Variants in CDCA5 observed in about 807,000 individuals in gnomAD.
The protein encoded by CDCA5 is sororin.
A neutral mutation model predicts 25.7 loss-of-function variants in CDCA5; 14 were observed. That is an observed-to-expected ratio of 0.54 (90% CI 0.36 to 0.85). The LOEUF is 0.85. Among genes scored for constraint, CDCA5 ranks in the 40% least tolerant of loss-of-function variants. The pLI is 0.01. For synonymous variants in CDCA5, 127 were observed against 128.7 expected, an observed-to-expected ratio of 0.99 and a Z score of 0.09; for missense variants, 307 against 324.5, an observed-to-expected ratio of 0.95 and a Z score of 0.41.
downstream of CDCA5, among the ~76,000 whole-genome samples, chr11:65,074,313 CCCA>C (rs549441920): frequency 3.3e-4 from 50 of 152,208 alleles, no homozygotes; most frequent in East Asian, 9.7e-3. Flanking sequence ...CCTCAAGTGA[CCCA>C]CCAACCTTGG....
At chr11:65,063,000 TAGATTGGAGGCAA>T (rs1349340108), downstream of CDCA5, among the ~76,000 whole-genome samples, 3 of 152,156 alleles carry the variant, frequency 2.0e-5, no homozygotes, top group Admixed American at 2.0e-4. Flanking sequence ...CAAGTATTTG[TAGATTGGAGGCAA>T]AGCTGACCTA....
downstream of CDCA5, among the ~76,000 whole-genome samples, chr11:65,065,507 C>T (rs1031395446): frequency 1.2e-4 from 19 of 152,186 alleles, no homozygotes; most frequent in Non-Finnish European, 2.5e-4. Flanking sequence ...ACACTGGTCT[C>T]AAACTCCTGA....
At chr11:65,077,039 A>T (rs969584212), downstream of CDCA5, among the ~76,000 whole-genome samples, 1 of 152,174 alleles carries the variant, frequency 6.6e-6, no homozygotes, top group Non-Finnish European at 1.5e-5. Flanking sequence ...TGTAATCCCA[A>T]CACTTTGGGA....
At chr11:65,067,828 G>T in intron 3 of CDCA5, 1 of 995,502 alleles carries the variant, frequency 1.0e-6, no homozygotes, top group Non-Finnish European at 1.4e-6. Flanking sequence ...GTGTGGGGGT[G>T]CCCAGCCAAA....
chr11:65,069,275 GT>G (rs1227638775), intron 1 of CDCA5, among the ~76,000 whole-genome samples: 1 of 142,156 alleles, frequency 7.0e-6, no homozygotes, highest in East Asian at 2.2e-4. Flanking sequence ...TAATAGAATT[GT>G]GGCTATTTTT....
At chr11:65,065,326 C>T (rs967382433), downstream of CDCA5, among the ~76,000 whole-genome samples, 17 of 152,190 alleles carry the variant, frequency 1.1e-4, no homozygotes, top group Admixed American at 3.9e-4. Flanking sequence ...CTTGCTCTGT[C>T]GTCCAGGCTG....
At chr11:65,074,873 C>T (rs1947410590), downstream of CDCA5, among the ~76,000 whole-genome samples, 1 of 151,730 alleles carries the variant, frequency 6.6e-6, no homozygotes, top group South Asian at 2.1e-4. Flanking sequence ...ACCAGTCTGA[C>T]CAACATGGAG....
chr11:65,065,819 C>A (rs471538), downstream of CDCA5, among the ~76,000 whole-genome samples: 32,109 of 151,810 alleles, frequency 0.21, 4,392 homozygotes, highest in Non-Finnish European at 0.3. Context: ...ATATGTATCT[C>A]CAGGCCTGAG....
At position 65,066,474 on chromosome 11, in the gene CDCA5, C is replaced by CT; in HGVS notation, c.564-2dup. 1 of 1,288,196 alleles carries CT rather than the reference C, an allele frequency of 7.8e-7. No homozygotes were observed. Among genetic ancestry groups the CT allele is most frequent in the Non-Finnish European group, 1.0e-6 (1 of 988,154 alleles). The allele number at this position is 1,288,196 out of a possible 1,614,324, so 79.8% of individuals were successfully genotyped here. A position where few individuals can be genotyped will look rare whatever the true frequency, so the allele number is the denominator to read the frequency against. ...ACCTGCCTTCCGGGGGTTTGGGTCA[C>CT]TGCAGGCAGAGACAGCTCGAGTGAG... On this transcript the variant is annotated splice_acceptor_variant, in intron 6 of 6. Coordinates refer to the CDCA5 transcript ENST00000525464. LOFTEE classifies it high-confidence loss of function.
chr11:65,066,453 G>C, exon 7 of CDCA5: 1 of 1,282,732 alleles, frequency 7.8e-7, no homozygotes, highest in Non-Finnish European at 1.0e-6. Flanking sequence ...GAGGAGACCT[G>C]CCTTCCGGGG....
intron 1 of CDCA5, among the ~76,000 whole-genome samples, chr11:65,069,328 G>C (rs1328838977): frequency 6.6e-6 from 1 of 150,886 alleles, no homozygotes; most frequent in South Asian, 2.1e-4. Context: ...TACTGGCCAA[G>C]TAACCACAGA....
downstream of CDCA5, among the ~76,000 whole-genome samples, chr11:65,073,120 T>C (rs992719767): frequency 3.3e-5 from 5 of 151,792 alleles, no homozygotes; most frequent in Admixed American, 3.3e-4. Flanking sequence ...AATTTTTGTA[T>C]TTTTAGTAGA....
Position 65,083,934 on chromosome 11 carries a change from G to C in CDCA5, c.45C>G (p.Ser15=), listed in dbSNP as rs1310310531. The C allele has an allele frequency of 4.3e-6, 7 of 1,609,988 alleles. No homozygotes were observed. The highest frequency in any genetic ancestry group is 8.5e-7 in the Non-Finnish European group (1 of 1,179,808). ...RTRSGGAAQR[S]GPRAPSPTKP... is the part of the protein sequence containing the mutation. Reference sequence around the variant, plus strand: ...GTCTCCCGCGCGCCCTCCGCTCACCGGAGCGCTGAGCGGCTCCTCCGGACC... The same window carrying C: ...GTCTCCCGCGCGCCCTCCGCTCACCCGAGCGCTGAGCGGCTCCTCCGGACC... The change falls in exon 1 of 6, where the codon TCC becomes TCG. Residue 15 remains serine, a splice_region_variant and synonymous_variant. Coordinates refer to ENST00000275517, the MANE Select transcript of CDCA5 (RefSeq NM_080668.4).
intron 4 of CDCA5, chr11:65,066,938 C>T: frequency 2.5e-6 from 3 of 1,201,524 alleles, no homozygotes; most frequent in Non-Finnish European, 3.3e-6. Context: ...AGGCAGCACT[C>T]CCCACCCCTC....
chr11:65,061,989 C>T (rs1472156058), downstream of CDCA5, among the ~76,000 whole-genome samples: 6 of 138,572 alleles, frequency 4.3e-5, no homozygotes, highest in East Asian at 9.2e-4. Flanking sequence ...GGCGCGATCT[C>T]GGCTCACCGC....
At chr11:65,074,987 G>A (rs111625324), downstream of CDCA5, among the ~76,000 whole-genome samples, 1,066 of 149,776 alleles carry the variant, frequency 7.1e-3, 9 homozygotes, top group Non-Finnish European at 0.013. Flanking sequence ...GCTTGAACTC[G>A]GGAGGTGGAG....
chr11:65,083,318 G>C (rs1381215124), intron 4 of CDCA5, 46 bp downstream of exon 4: 1 of 1,609,888 alleles, frequency 6.2e-7, no homozygotes, highest in African/African-American at 1.3e-5. Context: ...TCCAGCTCTA[G>C]AGTGACCCAG....
chr11:65,078,131 C>A lies in CDCA5; in HGVS notation c.*976G>T. 1 of 985,188 alleles carries A rather than the reference C, an allele frequency of 1.0e-6. No individual in the cohort carries two copies. Among genetic ancestry groups the A allele is most frequent in the Non-Finnish European group, 1.2e-6 (1 of 829,892 alleles). 61.0% of individuals were successfully genotyped at this position (985,188 alleles called of 1,614,324 possible). ...GGTACGCGAGGAAACTTTCCGAGGA[C>A]TTTACAAGCATAGTTGCAAAATGCT... On this transcript the variant is annotated 3_prime_UTR_variant, in exon 6 of 6. Coordinates refer to ENST00000275517, the MANE Select transcript of CDCA5 (RefSeq NM_080668.4).
At chr11:65,061,914 ATTTT>A (rs35836447), downstream of CDCA5, among the ~76,000 whole-genome samples, 1 of 82,308 alleles carries the variant, frequency 1.2e-5, no homozygotes, top group Admixed American at 1.5e-4. Flanking sequence ...CAGCTGCCTA[ATTTT>A]TTTTTTTTTT....
Sources: gnomAD v4.1 joint callset for allele counts (sites outside exome capture counted in the v4.1 genomes callset) on GRCh38, gnomAD v4.1.1 for gene constraint, MANE v1.5 for transcripts, NCBI Gene and HGNC (gene_info 2026-07-23, HGNC 2026-07-21) for gene names.